The following CACNA1A variants were observed in gnomAD, a reference collection of about 807,000 sequenced individuals.
The protein encoded by CACNA1A is calcium voltage-gated channel subunit alpha1 A.
A neutral mutation model predicts 262.4 loss-of-function variants in CACNA1A; 57 were observed. The ratio of observed to expected loss-of-function variants is 0.22; its 90% CI spans 0.18 to 0.27. The LOEUF is 0.27. Among genes scored for constraint, CACNA1A ranks in the 10% least tolerant of loss-of-function variants. The pLI, the probability that CACNA1A is intolerant of heterozygous loss-of-function variation, is 1.00. For synonymous variants in CACNA1A, 1,431 were observed against 1,419.3 expected (o/e 1.01, Z -0.18); for missense variants, 2,526 against 3,562.8 (o/e 0.71, Z 7.41).
At chr19:13,408,736 A>C (rs894705114) in intron 3 of CACNA1A, among the ~76,000 whole-genome samples, 1 of 152,328 alleles carries the variant, frequency 6.6e-6, no homozygotes, top group Non-Finnish European at 1.5e-5. Flanking sequence ...GCTTTTGAGA[A>C]TACTGTTGGT....
At position 13,299,126 on chromosome 19, in the gene CACNA1A, TTGG is replaced by T. The variant is rs2144957032; in HGVS notation, c.2504_2506del (p.Thr835del). Reference sequence around the variant, plus strand: ...GGTGGGCTCGGCCGCCCGGCTCTTGTTGGTGTTGTTGTTGCGGTTCTCCTGCGG... The same window carrying T: ...GGTGGGCTCGGCCGCCCGGCTCTTGTTGTTGTTGTTGCGGTTCTCCTGCGG... On this transcript the variant is annotated inframe_deletion, in exon 19 of 47. Coordinates refer to ENST00000360228, the MANE Select transcript of CACNA1A (RefSeq NM_001127222.2). 1 of 1,613,126 alleles carries T rather than the reference TTGG, an allele frequency of 6.2e-7. No individual in the cohort carries two copies. The highest frequency in any genetic ancestry group is 8.5e-7 in the Non-Finnish European group (1 of 1,179,792).
rs906762458 is a variant in CACNA1A at position 13,501,999 on chromosome 19, G to A, written c.293+3933C>T. Among the ~76,000 whole-genome samples, 9 of 152,028 alleles carry A rather than the reference G, an allele frequency of 5.9e-5. 1 individual carries two copies. The highest frequency in any genetic ancestry group is 4.1e-4 in the South Asian group (2 of 4,820). ...CTCCTCTGGAAATACCAGCCAAGCC[G>A]GTCTAGTACAAGGATCACGTAAGTG... On this transcript the variant is annotated intron_variant, in intron 1 of 46. Coordinates refer to ENST00000360228, the MANE Select transcript of CACNA1A (RefSeq NM_001127222.2).
intron 3 of CACNA1A, among the ~76,000 whole-genome samples, chr19:13,425,156 T>C (rs1259143594): frequency 6.6e-6 from 1 of 152,176 alleles, no homozygotes; most frequent in African/African-American, 2.4e-5. Context: ...ACTCTCTTGC[T>C]GAAAACGATG....
chr19:13,505,048 C>T (rs143234120), intron 1 of CACNA1A, among the ~76,000 whole-genome samples: 5 of 152,272 alleles, frequency 3.3e-5, no homozygotes, highest in Non-Finnish European at 7.3e-5. Context: ...CTCTCGGCTA[C>T]TCGGGGTAGG....
chr19:13,238,615 T>TTTAC (rs2055961023), intron 31 of CACNA1A, among the ~76,000 whole-genome samples: 1 of 137,758 alleles, frequency 7.3e-6, no homozygotes, highest in Non-Finnish European at 1.6e-5. Flanking sequence ...TAAGAGAGTC[T>TTTAC]CACTCTGTTG....
rs1424755956 is a variant in CACNA1A, at chr19:13,207,249, C to A, written c.*64G>T. ...CTGGGCCCCCGCGGCCTCTGCGCGG[C>A]TCCTCGGGTGGGGTGTGTGCGTGGG... On this transcript the variant is annotated 3_prime_UTR_variant, in exon 47 of 47. Coordinates refer to ENST00000360228, the MANE Select transcript of CACNA1A (RefSeq NM_001127222.2). This position sits in a 1 kb window ranked among gnomAD's most constrained non-coding sequence, Gnocchi z 5.7. 1 of 1,447,494 alleles carries A rather than the reference C, an allele frequency of 6.9e-7. No homozygotes were observed. The highest frequency in any genetic ancestry group is 9.1e-7 in the Non-Finnish European group (1 of 1,104,238). 89.7% of individuals were successfully genotyped at this position (1,447,494 alleles called of 1,614,324 possible).
At chr19:13,259,805 C>T (rs1266762539) in intron 26 of CACNA1A, 104 bp from the exon 27 acceptor site, 3 of 1,266,650 alleles carry the variant, frequency 2.4e-6, no homozygotes, top group Non-Finnish European at 3.3e-6. Context: ...AGTGGTCCAC[C>T]AGCCTAGACT....
At chr19:13,478,389 C>T (rs547137182) in intron 1 of CACNA1A, among the ~76,000 whole-genome samples, 1 of 152,126 alleles carries the variant, frequency 6.6e-6, no homozygotes, top group African/African-American at 2.4e-5. Context: ...GACGCGATCA[C>T]TCACTGCGGT....
intron 1 of CACNA1A, among the ~76,000 whole-genome samples, chr19:13,498,066 C>T (rs894227991): frequency 3.3e-5 from 5 of 151,972 alleles, no homozygotes; most frequent in African/African-American, 1.2e-4. Context: ...CAACATGCCA[C>T]GAACACATTT....
chr19:13,436,559 C>T lies in CACNA1A; in HGVS notation c.539+16317G>A, dbSNP rs982952780. The stretch of plus-strand genomic sequence containing the variant: ...CTCATTCATTCACTCATTCATTCAT[C>T]CACTCACTCATTCATTCACTCATTC... On this transcript the variant is annotated intron_variant, in intron 3 of 46. Transcript: ENST00000360228. Among the ~76,000 whole-genome samples, 26 of 151,876 alleles carry T rather than the reference C, an allele frequency of 1.7e-4. 1 individual carries two copies. Among genetic ancestry groups the T allele is most frequent in the South Asian group, 8.3e-4 (4 of 4,802 alleles).
At chr19:13,429,721 G>A (rs919897117) in intron 3 of CACNA1A, among the ~76,000 whole-genome samples, 3 of 151,608 alleles carry the variant, frequency 2.0e-5, no homozygotes, top group Non-Finnish European at 4.4e-5. Context: ...GAAGCCAAGT[G>A]CCCATCTGGA....
chr19:13,377,022 C>T (rs537696012), intron 3 of CACNA1A, among the ~76,000 whole-genome samples: 52 of 151,780 alleles, frequency 3.4e-4, no homozygotes, highest in African/African-American at 1.2e-3. Context: ...TGCAATGGCA[C>T]GACCTCAGCT....
chr19:13,327,745 G>T (rs907805724), intron 10 of CACNA1A, among the ~76,000 whole-genome samples: 1 of 151,638 alleles, frequency 6.6e-6, no homozygotes, highest in African/African-American at 2.4e-5. Flanking sequence ...GCTAATTGTT[G>T]AATTTTTAGT....
At chr19:13,259,870 G>C in intron 26 of CACNA1A, 169 bp from the exon 27 acceptor site, 1 of 650,340 alleles carries the variant, frequency 1.5e-6, no homozygotes, top group Non-Finnish European at 2.7e-6. Flanking sequence ...TGCTTCATAG[G>C]GGATGACGTG....
chr19:13,210,710 T>C (rs1344028978), intron 43 of CACNA1A, 58 bp from the exon 44 acceptor site: 7 of 1,525,532 alleles, frequency 4.6e-6, no homozygotes, highest in African/African-American at 1.4e-5. Context: ...AAAATAAATA[T>C]AAAAGGCAAG....
chr19:13,289,203 G>A (rs556895350), intron 19 of CACNA1A, among the ~76,000 whole-genome samples: 4 of 148,894 alleles, frequency 2.7e-5, no homozygotes, highest in East Asian at 2.0e-4. Context: ...GTGCAGTGGC[G>A]CGATCTCAGC....
At chr19:13,336,804 C>T (rs1410635633) in intron 6 of CACNA1A, among the ~76,000 whole-genome samples, 2 of 152,178 alleles carry the variant, frequency 1.3e-5, no homozygotes, top group Non-Finnish European at 2.9e-5. Flanking sequence ...AAGACAAAAT[C>T]ATCAGCCCAA....
At position 13,373,599 on chromosome 19, in the gene CACNA1A, C is replaced by T. The variant is rs190608267; in HGVS notation, c.540-1820G>A. Among the ~76,000 whole-genome samples the T allele has an allele frequency of 7.2e-5, 11 of 152,280 alleles. 1 individual carries two copies. The highest frequency in any genetic ancestry group is 2.4e-4 in the African/African-American group (10 of 41,568). On this transcript the variant is annotated intron_variant, in intron 3 of 46. Transcript: ENST00000360228. ...TACAGGACAACTCACCCTTCCTTGC[C>T]CCACCTCCCCTCTCCTTCTCCAACC...
chr19:13,298,411 G>A (rs1600270663), intron 19 of CACNA1A, 133 bp downstream of exon 19: 2 of 840,516 alleles, frequency 2.4e-6, no homozygotes, highest in Non-Finnish European at 3.6e-6. Flanking sequence ...TTACAGGCGT[G>A]AGCCACTGCG....
Sources: gnomAD v4.1 joint callset for allele counts (sites outside exome capture counted in the v4.1 genomes callset) on GRCh38, gnomAD v4.1.1 for gene constraint, Gnocchi (gnomAD v3.1) non-coding constraint, MANE v1.5 for transcripts, NCBI Gene and HGNC (gene_info 2026-07-23, HGNC 2026-07-21) for gene names.